The following DMD variants were observed in gnomAD, a reference collection of about 807,000 sequenced individuals.
DMD encodes mutant dystrophin.
DMD carries 63 observed loss-of-function variants against 330.1 expected under a neutral mutation model. The ratio of observed to expected loss-of-function variants is 0.19; its 90% CI spans 0.16 to 0.24. The LOEUF is 0.24. DMD is among the 10% of genes least tolerant of loss of function. The pLI, the probability that DMD is intolerant of heterozygous loss-of-function variation, is 1.00. For synonymous variants in DMD, 1,223 were observed against 959.8 expected, an observed-to-expected ratio of 1.27 and a Z score of -5.07; for missense variants, 3,344 against 2,684.1, an observed-to-expected ratio of 1.25 and a Z score of -5.43.
At chrX:31,329,588 C>G (rs953670141) in intron 61 of DMD, among the ~76,000 whole-genome samples, 2 of 111,441 alleles carry the variant, frequency 1.8e-5, no homozygotes, top group African/African-American at 6.5e-5. Flanking sequence ...TTCACTTATG[C>G]AAGATGAGTA....
chrX:31,505,917 C>A (rs929716222), intron 56 of DMD, among the ~76,000 whole-genome samples: 3 of 111,635 alleles, frequency 2.7e-5, no homozygotes, highest in African/African-American at 9.8e-5. Flanking sequence ...CAGGCGTGAG[C>A]CACTACGCCT....
At chrX:33,180,403 T>C (rs922376404) in intron 1 of DMD, among the ~76,000 whole-genome samples, 4 of 111,724 alleles carry the variant, frequency 3.6e-5, no homozygotes, top group African/African-American at 1.3e-4. Context: ...GCACAATACT[T>C]GTATACTTTT....
intron 60 of DMD, among the ~76,000 whole-genome samples, chrX:31,429,873 G>GT (rs1299558410): frequency 0.035 from 3,489 of 100,879 alleles, 151 homozygotes; most frequent in African/African-American, 0.11. Flanking sequence ...TTTTAAGAAG[G>GT]TTTTTTTTTT....
intron 1 of DMD, among the ~76,000 whole-genome samples, chrX:33,276,905 C>T (rs1012714334): frequency 6.3e-5 from 7 of 111,994 alleles, no homozygotes; most frequent in Non-Finnish European, 9.4e-5. Context: ...TGCAAAACTG[C>T]GGTATAATAT....
At chrX:33,035,340 A>T (rs1168046490) in intron 1 of DMD, among the ~76,000 whole-genome samples, 1 of 111,581 alleles carries the variant, frequency 9.0e-6, no homozygotes, top group Non-Finnish European at 1.9e-5. Context: ...TATGCCAGAG[A>T]AAGCCAGGGC....
intron 17 of DMD, among the ~76,000 whole-genome samples, chrX:32,523,964 G>C (rs1284851841): frequency 2.0e-3 from 174 of 85,886 alleles, no homozygotes; most frequent in Non-Finnish European, 2.9e-3. Context: ...ACGGAGTCTT[G>C]CTCTGTCACC....
chrX:32,323,387 A>T (rs987488468), intron 41 of DMD, among the ~76,000 whole-genome samples: 1 of 112,025 alleles, frequency 8.9e-6, no homozygotes, highest in South Asian at 3.7e-4. Flanking sequence ...AAACAGTGAC[A>T]GGAAATACAC....
At chrX:33,249,288 T>C (rs752544917) in intron 1 of DMD, among the ~76,000 whole-genome samples, 1 of 111,649 alleles carries the variant, frequency 9.0e-6, no homozygotes, top group South Asian at 3.7e-4. Flanking sequence ...GTAGCTGGGA[T>C]GACAGGCATC....
In DMD at chrX:31,659,558, A is replaced by T. The variant is rs187822953; in HGVS notation, c.7873-1414T>A. ...GGAGGCTGAGGCAGAGAATTGCTTG[A>T]ACCCAGGAGATGGAAGTTGCAGTGA... On this transcript the variant is annotated intron_variant, in intron 53 of 78. Coordinates refer to ENST00000357033, the MANE Select transcript of DMD (RefSeq NM_004006.3). Among the ~76,000 whole-genome samples, 309 of 103,828 alleles carry T rather than the reference A, an allele frequency of 3.0e-3. 1 individual carries two copies. The highest frequency in any genetic ancestry group is 4.6e-3 in the Non-Finnish European group (235 of 51,156). The allele number at this position is 103,828 out of a possible 115,157, so 90.2% of individuals were successfully genotyped here.
intron 44 of DMD, among the ~76,000 whole-genome samples, chrX:32,003,589 T>C (rs2095641603): frequency 8.9e-6 from 1 of 111,801 alleles, no homozygotes; most frequent in Non-Finnish European, 1.9e-5. Context: ...ATTACCTGTG[T>C]TGCTTATTAG....
At chrX:32,763,507 T>A (rs1201419931) in intron 7 of DMD, among the ~76,000 whole-genome samples, 2 of 111,836 alleles carry the variant, frequency 1.8e-5, no homozygotes, top group African/African-American at 3.2e-5. Context: ...TTGGCACTTG[T>A]CAGCCTATGA....
chrX:31,259,973 A>G (rs760243836), intron 63 of DMD, among the ~76,000 whole-genome samples: 2 of 110,908 alleles, frequency 1.8e-5, no homozygotes. Flanking sequence ...ACAGAAATGC[A>G]GGCTTGAAAA....
chrX:32,371,241 A>T (rs1238561942), intron 34 of DMD, among the ~76,000 whole-genome samples: 1 of 111,715 alleles, frequency 9.0e-6, no homozygotes, highest in Non-Finnish European at 1.9e-5. Context: ...TAAACGTGAA[A>T]AACACGGTAA....
At chrX:32,833,692 T>TA (rs5902041) in intron 4 of DMD, among the ~76,000 whole-genome samples, 3,132 of 81,068 alleles carry the variant, frequency 0.039, 131 homozygotes, top group African/African-American at 0.11. Context: ...TAATTTCAAG[T>TA]AAAAAAAAAA....
chrX:32,218,947 CTTA>C lies in DMD; in HGVS notation c.6291-1887_6291-1885del, dbSNP rs529213755. Among the ~76,000 whole-genome samples, 791 of 111,774 alleles carry C rather than the reference CTTA, an allele frequency of 7.1e-3. 7 individuals carry two copies. In the South Asian group the frequency reaches 0.094, roughly 13 times the overall value. Reference sequence around the variant, plus strand: ...GTGATAGTTCTAGAGGTTTTTTCCCCTTATTTTTATTAACTACCCAAAATTTAA... The same window carrying C: ...GTGATAGTTCTAGAGGTTTTTTCCCCTTTTTATTAACTACCCAAAATTTAA... On this transcript the variant is annotated intron_variant, in intron 43 of 78. Coordinates refer to ENST00000357033, the MANE Select transcript of DMD (RefSeq NM_004006.3).
At chrX:33,203,868 C>T (rs1014841091) in intron 1 of DMD, among the ~76,000 whole-genome samples, 4 of 111,193 alleles carry the variant, frequency 3.6e-5, no homozygotes, top group African/African-American at 1.3e-4. Context: ...ACCCCTAATC[C>T]TTCCTGTTGT....
At chrX:32,837,511 A>C (rs903743316) in intron 4 of DMD, among the ~76,000 whole-genome samples, 1 of 111,406 alleles carries the variant, frequency 9.0e-6, no homozygotes, top group African/African-American at 3.3e-5. Context: ...TCTCCCCTTG[A>C]CTGCTTAGGT....
chrX:31,944,175 A>G (rs1403991621), intron 45 of DMD, among the ~76,000 whole-genome samples: 1 of 111,237 alleles, frequency 9.0e-6, no homozygotes, highest in Non-Finnish European at 1.9e-5. Flanking sequence ...TGTGAGGTCC[A>G]AATTATTTTC....
chrX:31,599,188 A>C (rs1370163969), intron 55 of DMD, among the ~76,000 whole-genome samples: 3 of 111,892 alleles, frequency 2.7e-5, no homozygotes, highest in Non-Finnish European at 3.8e-5. Context: ...TAAGGTCTGA[A>C]GTTTGCCAGA....
Sources: gnomAD v4.1 joint callset for allele counts (sites outside exome capture counted in the v4.1 genomes callset) on GRCh38, gnomAD v4.1.1 for gene constraint, MANE v1.5 for transcripts, NCBI Gene and HGNC (gene_info 2026-07-23, HGNC 2026-07-21) for gene names.